FBN1: variants seen among roughly 807,000 people sequenced by gnomAD.
FBN1 encodes the protein fibrillin 1, also known as fibrillin-1.
In FBN1, 29 loss-of-function variants were observed where a neutral mutation model predicts 365.1. That is an observed-to-expected ratio of 0.08 (90% CI 0.06 to 0.11). FBN1 has a LOEUF of 0.11. Among genes scored for constraint, FBN1 ranks in the 10% least tolerant of loss-of-function variants. The pLI is 1.00. For synonymous variants in FBN1, 1,210 were observed against 1,270.5 expected (o/e 0.95, Z 1.01); for missense variants, 2,476 against 3,703.2 (o/e 0.67, Z 8.60).
chr15:48,551,732 C>G (rs1597600893), intron 6 of FBN1, among the ~76,000 whole-genome samples: 1 of 152,138 alleles, frequency 6.6e-6, no homozygotes, highest in East Asian at 1.9e-4. Flanking sequence ...CATCTGTTCT[C>G]ATCATTTAGT....
intron 3 of FBN1, among the ~76,000 whole-genome samples, chr15:48,611,252 A>C (rs1316624855): frequency 1.3e-5 from 2 of 152,072 alleles, no homozygotes; most frequent in African/African-American, 4.8e-5. Context: ...TTTTATTGTA[A>C]ATTTATTTTG....
At chr15:48,506,347 CA>C (rs973185044) in intron 15 of FBN1, among the ~76,000 whole-genome samples, 3 of 152,192 alleles carry the variant, frequency 2.0e-5, no homozygotes, top group African/African-American at 4.8e-5. Context: ...GAGAGTAAAA[CA>C]CCTTCGTGTT....
chr15:48,562,329 A>G lies in FBN1; in HGVS notation c.539-24521T>C, dbSNP rs539043079. ...TTACTGTGATATATCTACTTCAGGGAAACTTTACAATTCTGAAAGAGCATG... is the reference window on the plus strand; with the variant it reads ...TTACTGTGATATATCTACTTCAGGGGAACTTTACAATTCTGAAAGAGCATG... On this transcript the variant is annotated intron_variant, in intron 6 of 65. Coordinates refer to ENST00000316623, the MANE Select transcript of FBN1 (RefSeq NM_000138.5). Among the ~76,000 whole-genome samples, 21 of 152,312 alleles carry G rather than the reference A, an allele frequency of 1.4e-4. No individual in the cohort carries two copies. In the South Asian group the frequency reaches 4.1e-3, roughly 30 times the overall value.
intron 4 of FBN1, among the ~76,000 whole-genome samples, chr15:48,608,816 G>A (rs978064746): frequency 7.9e-5 from 12 of 152,138 alleles, no homozygotes; most frequent in African/African-American, 2.9e-4. Context: ...AGTTAACTTG[G>A]ATTCTACCAG....
Position 48,468,516 on chromosome 15 carries a change from T to G in FBN1, c.4478A>C (p.Asp1493Ala). 6.2e-7 allele frequency: 1 copy of G among 1,614,112 alleles called. No homozygotes were observed. The highest frequency in any genetic ancestry group is 8.5e-7 in the Non-Finnish European group (1 of 1,180,002). Residue 1493 changes from aspartate to alanine, a missense_variant, in exon 37 of 66, where the codon GAT (aspartate) becomes GCT (alanine). Asp to Ala is a moderately radical substitution (Grantham distance 126, BLOSUM62 -2). Around this residue, in one of 5 missense-constraint regions of FBN1, gnomAD observed 1,780 missense variants for 2,840.8 expected, o/e 0.63. Transcript: ENST00000316623. Reference sequence around the variant, plus strand: ...GTTCCCACTGATGCACGTGGTTGGATCCAGGCATTCATTCACATCTAAAAC... The same window carrying G: ...GTTCCCACTGATGCACGTGGTTGGAGCCAGGCATTCATTCACATCTAAAAC... The part of the protein sequence containing the change: ...GNCTDVNECL[D>A]PTTCISGNCV...
At chr15:48,430,836 G>C (rs761651180) in intron 55 of FBN1, 34 bp from the exon 56 acceptor site, 2 of 1,608,708 alleles carry the variant, frequency 1.2e-6, no homozygotes, top group Non-Finnish European at 1.7e-6. Context: ...ATTTGTCAAA[G>C]AAAATGCATA....
chr15:48,638,125 T>G (rs1202598094), intron 2 of FBN1, among the ~76,000 whole-genome samples: 1 of 151,426 alleles, frequency 6.6e-6, no homozygotes, highest in Admixed American at 6.6e-5. Context: ...GCCTCAACCC[T>G]CTGGGCTCAA....
intron 6 of FBN1, among the ~76,000 whole-genome samples, chr15:48,552,567 G>C (rs73394247): frequency 0.077 from 11,750 of 152,030 alleles, 1,593 homozygotes; most frequent in African/African-American, 0.27. Context: ...CCACTGGCTG[G>C]CCTGATGACA....
intron 3 of FBN1, among the ~76,000 whole-genome samples, chr15:48,611,077 C>T (rs2044652589): frequency 6.6e-6 from 1 of 152,098 alleles, no homozygotes; most frequent in African/African-American, 2.4e-5. Context: ...GCTTAGTCCA[C>T]AGCACTCAAT....
chr15:48,472,515 C>T (rs2043384430), intron 35 of FBN1, 36 bp downstream of exon 35: 3 of 1,613,000 alleles, frequency 1.9e-6, no homozygotes, highest in Non-Finnish European at 2.5e-6. Context: ...TCTCATCAAG[C>T]CCAGCAAGGC....
chr15:48,438,485 G>A (rs1458859866), intron 50 of FBN1, among the ~76,000 whole-genome samples: 1 of 152,138 alleles, frequency 6.6e-6, no homozygotes, highest in African/African-American at 2.4e-5. Context: ...CAACACAAGG[G>A]TTGGTCACTG....
chr15:48,517,301 T>C (rs1244359813), intron 10 of FBN1, among the ~76,000 whole-genome samples: 1 of 152,158 alleles, frequency 6.6e-6, no homozygotes, highest in Non-Finnish European at 1.5e-5. Flanking sequence ...TGGGGATGGA[T>C]GAGCTCATGT....
chr15:48,478,511 T>A (rs1169106099), intron 32 of FBN1, among the ~76,000 whole-genome samples: 1 of 152,148 alleles, frequency 6.6e-6, no homozygotes, highest in African/African-American at 2.4e-5. Flanking sequence ...AAGCACATGA[T>A]GGGAGGTAGG....
rs552231518 is a variant in FBN1 at position 48,591,272 on chromosome 15, T to G, written c.538+5011A>C. ...TAACAGTAAATTACTGTAGGCTGTT[T>G]CTGAAAACTCAAATGCCTCCTCAAA... is the stretch of plus-strand genomic sequence containing the variant. On this transcript the variant is annotated intron_variant, in intron 6 of 65. Coordinates refer to ENST00000316623, the MANE Select transcript of FBN1 (RefSeq NM_000138.5). 5.9e-5 allele frequency among the ~76,000 whole-genome samples: 9 copies of G among 152,204 alleles called. No individual in the cohort carries two copies. The East Asian group carries it at 1.7e-3, about 29-fold the overall frequency.
At chr15:48,557,716 C>CT in intron 6 of FBN1, among the ~76,000 whole-genome samples, 1 of 152,156 alleles carries the variant, frequency 6.6e-6, no homozygotes, top group African/African-American at 2.4e-5. Context: ...GAAAGGATGA[C>CT]TGGGTGTTCC....
chr15:48,420,142 G>A (rs2042928744), intron 63 of FBN1, among the ~76,000 whole-genome samples: 1 of 143,530 alleles, frequency 7.0e-6, no homozygotes, highest in East Asian at 2.3e-4. Context: ...TCAATTTAAT[G>A]AGAGAGTCAG....
chr15:48,483,341 T>C (rs904822582), intron 31 of FBN1, among the ~76,000 whole-genome samples: 3 of 152,212 alleles, frequency 2.0e-5, no homozygotes, highest in African/African-American at 4.8e-5. Context: ...ACATCTGAGA[T>C]GAAAAATACA....
At chr15:48,612,027 G>C (rs1047557799) in intron 3 of FBN1, among the ~76,000 whole-genome samples, 1 of 152,168 alleles carries the variant, frequency 6.6e-6, no homozygotes, top group Non-Finnish European at 1.5e-5. Flanking sequence ...ATTTCTCAGA[G>C]AACTCTACAG....
chr15:48,640,134 A>G (rs1235814655), intron 2 of FBN1, among the ~76,000 whole-genome samples: 1 of 152,176 alleles, frequency 6.6e-6, no homozygotes, highest in East Asian at 1.9e-4. Context: ...ATCAGCTCTC[A>G]TCTCATTTCA....
Sources: gnomAD v4.1 joint callset for allele counts (sites outside exome capture counted in the v4.1 genomes callset) on GRCh38, gnomAD v4.1.1 for gene constraint, gnomAD v4.1.1 regional missense constraint, MANE v1.5 for transcripts, NCBI Gene and HGNC (gene_info 2026-07-23, HGNC 2026-07-21) for gene names.